Variants in PCDH15 observed in about 807,000 individuals in gnomAD.
PCDH15 encodes protocadherin-15.
PCDH15 carries 129 observed loss-of-function variants against 178.5 expected under a neutral mutation model. The observed-to-expected ratio is 0.72, with a 90% CI of 0.63 to 0.84. PCDH15 has a LOEUF of 0.84. Among genes scored for constraint, PCDH15 ranks in the 40% least tolerant of loss-of-function variants. PCDH15 has a pLI of 0.00. For missense variants in PCDH15, 2,230 were observed against 2,099.9 expected (o/e 1.06, Z -1.21); for synonymous variants, 800 against 732.0 (o/e 1.09, Z -1.50).
At chr10:55,576,856 T>C (rs1365063544) in intron 2 of PCDH15, among the ~76,000 whole-genome samples, 5 of 152,164 alleles carry the variant, frequency 3.3e-5, no homozygotes, top group Admixed American at 2.0e-4. Context: ...AAAACAAAAA[T>C]AATTTCTCAA....
intron 18 of PCDH15, among the ~76,000 whole-genome samples, chr10:54,045,035 G>T (rs1911405): frequency 0.79 from 120,390 of 152,058 alleles, 48,142 homozygotes; most frequent in African/African-American, 0.89. Context: ...CCACCCAGCA[G>T]TGCTGACCTA....
intron 25 of PCDH15, among the ~76,000 whole-genome samples, chr10:53,924,580 T>A (rs2084322305): frequency 6.6e-6 from 1 of 152,240 alleles, no homozygotes; most frequent in Non-Finnish European, 1.5e-5. Flanking sequence ...AGCGCCGGAC[T>A]GGCGGGCAGC....
intron 2 of PCDH15, among the ~76,000 whole-genome samples, chr10:55,073,089 G>C (rs1841794608): frequency 6.6e-6 from 1 of 152,008 alleles, no homozygotes; most frequent in Admixed American, 6.6e-5. Flanking sequence ...GGTATTGATG[G>C]GACGTATCTC....
At chr10:54,064,598 C>G (rs1181195659) in intron 18 of PCDH15, among the ~76,000 whole-genome samples, 1 of 152,150 alleles carries the variant, frequency 6.6e-6, no homozygotes, top group Non-Finnish European at 1.5e-5. Flanking sequence ...AGCCCTCTGT[C>G]CCCTCTTGGC....
intron 21 of PCDH15, among the ~76,000 whole-genome samples, chr10:53,993,761 A>C (rs145392351): frequency 6.6e-6 from 1 of 152,268 alleles, no homozygotes; most frequent in Non-Finnish European, 1.5e-5. Flanking sequence ...ATGCTCACTT[A>C]AGGGTCCCAG....
At chr10:55,507,661 G>A (rs748340353) in intron 2 of PCDH15, among the ~76,000 whole-genome samples, 20 of 151,252 alleles carry the variant, frequency 1.3e-4, no homozygotes, top group Non-Finnish European at 3.0e-4. Flanking sequence ...TAGCATAATT[G>A]GGAAAAACTG....
intron 2 of PCDH15, among the ~76,000 whole-genome samples, chr10:55,461,347 CCTATTACA>C (rs1839672905): frequency 6.6e-6 from 1 of 152,094 alleles, no homozygotes; most frequent in Non-Finnish European, 1.5e-5. Context: ...AAATACAGTG[CCTATTACA>C]CTATTTTAGC....
chr10:54,715,690 A>C (rs1217712843), intron 1 of PCDH15, among the ~76,000 whole-genome samples: 9 of 151,932 alleles, frequency 5.9e-5, no homozygotes, highest in Non-Finnish European at 4.4e-5. Context: ...CACACAGACA[A>C]TTTAGTACAG....
At chr10:54,325,559 A>C (rs1236825341) in intron 7 of PCDH15, among the ~76,000 whole-genome samples, 1 of 151,830 alleles carries the variant, frequency 6.6e-6, no homozygotes, top group Non-Finnish European at 1.5e-5. Flanking sequence ...GACCAGCCTG[A>C]CCAACATGCT....
chr10:54,360,948 A>G (rs1945936111), intron 5 of PCDH15, among the ~76,000 whole-genome samples: 1 of 152,136 alleles, frequency 6.6e-6, no homozygotes, highest in South Asian at 2.1e-4. Flanking sequence ...GGGATTTAGC[A>G]TTCTTCATTT....
intron 1 of PCDH15, among the ~76,000 whole-genome samples, chr10:55,173,469 G>T (rs1839397091): frequency 6.6e-6 from 1 of 151,882 alleles, no homozygotes; most frequent in Non-Finnish European, 1.5e-5. Context: ...TAATCTCATA[G>T]AAAATCATAG....
intron 8 of PCDH15, among the ~76,000 whole-genome samples, chr10:54,259,555 G>A (rs1043241466): frequency 6.6e-6 from 1 of 152,172 alleles, no homozygotes; most frequent in Non-Finnish European, 1.5e-5. Context: ...AACATAGGGT[G>A]AGTATTATGG....
At chr10:55,110,847 T>G (rs530930757) in intron 2 of PCDH15, among the ~76,000 whole-genome samples, 8 of 152,244 alleles carry the variant, frequency 5.3e-5, no homozygotes, top group African/African-American at 1.9e-4. Context: ...AAAATATTGT[T>G]AGAAATTCAG....
chr10:55,045,629 A>G (rs1273719087), intron 2 of PCDH15, among the ~76,000 whole-genome samples: 1 of 152,110 alleles, frequency 6.6e-6, no homozygotes, highest in Admixed American at 6.6e-5. Flanking sequence ...AAAGTTGGCC[A>G]ATATAGTTTG....
At chr10:54,061,576 C>T (rs1476969324) in intron 18 of PCDH15, among the ~76,000 whole-genome samples, 1 of 151,578 alleles carries the variant, frequency 6.6e-6, no homozygotes, top group Non-Finnish European at 1.5e-5. Flanking sequence ...TGAAAAGAAC[C>T]AAGAATAATC....
intron 3 of PCDH15, among the ~76,000 whole-genome samples, chr10:54,421,724 T>G (rs1955396452): frequency 1.5e-5 from 2 of 135,710 alleles, no homozygotes; most frequent in Non-Finnish European, 3.1e-5. Context: ...TATATATTTT[T>G]GTGTTATATA....
At chr10:54,533,697 C>T (rs1248080362) in intron 2 of PCDH15, among the ~76,000 whole-genome samples, 1 of 152,128 alleles carries the variant, frequency 6.6e-6, no homozygotes, top group African/African-American at 2.4e-5. Flanking sequence ...GCCTAAATCA[C>T]CAGTGAACTC....
At chr10:55,627,756 A>G (rs995294536) in intron 1 of PCDH15, 9 of 152,238 alleles carry the variant, frequency 5.9e-5, no homozygotes, top group Non-Finnish European at 1.0e-4. Context: ...TCTCTCGACT[A>G]GTTACCAATT....
In PCDH15 at chr10:54,812,108, T is replaced by C. The variant is rs564156452; in HGVS notation, c.-29+85342A>G. ...AACATAAATGATGAAAATATGAGAA[T>C]ATCAGTTATAAAACATTTTTATAAA... On this transcript the variant is annotated intron_variant, in intron 3 of 5. Coordinates refer to the PCDH15 transcript ENST00000458638. 4.6e-5 allele frequency among the ~76,000 whole-genome samples: 7 copies of C among 152,250 alleles called. No individual in the cohort carries two copies. The South Asian group carries it at 1.2e-3, about 27-fold the overall frequency.
Sources: gnomAD v4.1 joint callset for allele counts (sites outside exome capture counted in the v4.1 genomes callset) on GRCh38, gnomAD v4.1.1 for gene constraint, MANE v1.5 for transcripts, NCBI Gene and HGNC (gene_info 2026-07-23, HGNC 2026-07-21) for gene names.